The following KY variants were observed in gnomAD, a reference collection of about 807,000 sequenced individuals.
The protein encoded by KY is kyphoscoliosis peptidase.
In KY, 43 loss-of-function variants were observed where a neutral mutation model predicts 76.1. The observed-to-expected ratio is 0.57, with a 90% CI of 0.44 to 0.73. The LOEUF (loss-of-function observed/expected upper bound fraction) is 0.73, where lower values mean the gene tolerates loss of function less well. Among genes scored for constraint, KY ranks in the 30% least tolerant of loss-of-function variants. The probability of loss-of-function intolerance (pLI) is 0.00; values close to 1 mark genes in which losing one functional copy is unlikely to be tolerated. For missense variants in KY, 722 were observed against 828.9 expected, an observed-to-expected ratio of 0.87 and a Z score of 1.58; for synonymous variants, 277 against 326.2, an observed-to-expected ratio of 0.85 and a Z score of 1.63.
Position 134,627,800 on chromosome 3 carries a change from T to C in KY, c.356A>G (p.Asn119Ser). 1 of 1,613,520 alleles carries C rather than the reference T, an allele frequency of 6.2e-7. No homozygotes were observed. Among genetic ancestry groups the C allele is most frequent in the Non-Finnish European group, 8.5e-7 (1 of 1,179,434 alleles). The change falls in exon 5 of 11, where the codon AAT becomes AGT. Residue 119 changes from asparagine (N) to serine (S), a missense_variant. This residue lies in a region of KY where 170 missense variants were observed against 148.1 expected (regional missense o/e 1.15). Coordinates refer to ENST00000423778, the MANE Select transcript of KY (RefSeq NM_178554.6). ...AGGTTGCCGGGGTCTTGTGTTTCCA[T>C]TTTTATCACCTTGTAAACCTACAAT... ...SLAKRLQGDK[N>S]GNTRPRQPGG...
chr3:134,608,393 C>T, intron 10 of KY: 4 of 1,442,272 alleles, frequency 2.8e-6, no homozygotes, highest in Non-Finnish European at 3.7e-6. Context: ...CAGACACATC[C>T]CTTTCTGGGT....
intron 10 of KY, chr3:134,608,310 G>T: frequency 8.1e-7 from 1 of 1,239,224 alleles, no homozygotes; most frequent in Non-Finnish European, 1.0e-6. Context: ...CAGCTAGGAA[G>T]TGCCCAGCCC....
At chr3:134,608,217 G>A in intron 10 of KY, 1 of 1,186,732 alleles carries the variant, frequency 8.4e-7, no homozygotes, top group Non-Finnish European at 1.1e-6. Context: ...AGTAGCTTCT[G>A]TTGGGGACCT....
chr3:134,625,330 TG>T (rs1389461835), intron 5 of KY, among the ~76,000 whole-genome samples, 195 bp from the exon 6 acceptor site: 1 of 152,250 alleles, frequency 6.6e-6, no homozygotes, highest in Admixed American at 6.5e-5. Flanking sequence ...TTGGGAACCA[TG>T]GCAACTCCCA....
intron 3 of KY, among the ~76,000 whole-genome samples, chr3:134,637,330 T>C (rs537982437): frequency 6.6e-6 from 1 of 152,346 alleles, no homozygotes; most frequent in Admixed American, 6.5e-5. Flanking sequence ...GTTCTTTTCC[T>C]TTTCACTTTC....
chr3:134,631,319 G>A (rs1301190591), intron 3 of KY, among the ~76,000 whole-genome samples: 3 of 152,154 alleles, frequency 2.0e-5, no homozygotes, highest in Admixed American at 6.5e-5. Context: ...ATGGAAAGTA[G>A]CCAGTGAAAA....
chr3:134,642,415 A>G (rs1029211269), intron 3 of KY, among the ~76,000 whole-genome samples: 2 of 152,230 alleles, frequency 1.3e-5, no homozygotes, highest in Admixed American at 1.3e-4. Context: ...ACCAGGGCCC[A>G]GTATTTAATG....
Position 134,629,606 on chromosome 3 carries a change from C to T in KY, c.337+15G>A. On this transcript the variant is annotated intron_variant, in intron 4 of 10. Coordinates refer to ENST00000423778, the MANE Select transcript of KY (RefSeq NM_178554.6). The stretch of plus-strand genomic sequence containing the variant: ...TCTGCCAGCCCTCCACCATGAGTAC[C>T]TGTGTCATACATACGTTTAGCCAAG... The T allele has an allele frequency of 6.3e-7, 1 of 1,585,950 alleles. No individual in the cohort carries two copies. The highest frequency in any genetic ancestry group is 8.6e-7 in the Non-Finnish European group (1 of 1,164,886).
At chr3:134,650,693 A>T in intron 1 of KY, 132 bp downstream of exon 1, 2 of 811,690 alleles carry the variant, frequency 2.5e-6, no homozygotes, top group Non-Finnish European at 3.7e-6. Context: ...AAGCGACGGC[A>T]GCCATGGGGG....
rs756210184 is a variant in KY, at chr3:134,643,323, G to A, written c.255C>T (p.Asn85=). Residue 85 remains asparagine (N), a synonymous_variant, in exon 3 of 11, where the codon AAC becomes AAT. Transcript: ENST00000423778. ...TAGCGGCGAATCACTTACCTTGGCT[G>A]TTGTAGGAAGTGATGACCTGGGGCT... ...PQQPQVITSY[N]SQGTQLTVEV... is the part of the protein sequence containing the mutation. 6.2e-7 allele frequency: 1 copy of A among 1,613,912 alleles called. No individual in the cohort carries two copies. Among genetic ancestry groups the A allele is most frequent in the Non-Finnish European group, 8.5e-7 (1 of 1,179,864 alleles).
At chr3:134,632,757 A>G (rs1964400580) in intron 3 of KY, among the ~76,000 whole-genome samples, 1 of 151,894 alleles carries the variant, frequency 6.6e-6, no homozygotes, top group South Asian at 2.1e-4. Context: ...AAAATAAGAG[A>G]ATAAATCACT....
chr3:134,624,337 T>A (rs1005709399), intron 6 of KY, among the ~76,000 whole-genome samples: 1 of 152,240 alleles, frequency 6.6e-6, no homozygotes, highest in Non-Finnish European at 1.5e-5. Context: ...ATGTCTTTGC[T>A]TCTCATCTGG....
intron 7 of KY, 50 bp downstream of exon 7, chr3:134,620,699 G>A (rs766436954): frequency 1.5e-6 from 2 of 1,322,632 alleles, no homozygotes; most frequent in Non-Finnish European, 2.2e-6. Flanking sequence ...AGGCCTGCAG[G>A]GAATGGAAGC....
In KY at chr3:134,603,753, A is replaced by G; in HGVS notation, c.1812T>C (p.Ile604=). 4 of 1,612,242 alleles carry G rather than the reference A, an allele frequency of 2.5e-6. No homozygotes were observed. Among genetic ancestry groups the G allele is most frequent in the Non-Finnish European group, 3.4e-6 (4 of 1,178,618 alleles). Residue 604 remains isoleucine (I), a synonymous_variant, in exon 11 of 11, where the codon ATT becomes ATC. Transcript: ENST00000423778. Reference sequence around the variant, plus strand: ...CCTGCCCCTTCACCAGGACTTTGGCAATACCATGCAGCTTCAATTTGAATG... The same window carrying G: ...CCTGCCCCTTCACCAGGACTTTGGCGATACCATGCAGCTTCAATTTGAATG... The part of the protein sequence containing the change: ...NVPFKLKLHG[I]AKVLVKGQDT...
intron 3 of KY, among the ~76,000 whole-genome samples, chr3:134,638,907 GGT>G (rs3060233): frequency 0.61 from 92,642 of 151,720 alleles, 28,877 homozygotes; most frequent in East Asian, 0.85. Context: ...AAGACTGTCA[GGT>G]GTGTGTGTGT....
intron 6 of KY, among the ~76,000 whole-genome samples, chr3:134,621,724 G>A (rs577681380): frequency 3.9e-5 from 6 of 152,240 alleles, no homozygotes; most frequent in Admixed American, 1.3e-4. Context: ...AAGGGCATTC[G>A]TGAAAATAAA....
At chr3:134,606,587 C>A (rs986404359) in intron 10 of KY, among the ~76,000 whole-genome samples, 1 of 152,152 alleles carries the variant, frequency 6.6e-6, no homozygotes, top group African/African-American at 2.4e-5. Flanking sequence ...TGCTGTAATT[C>A]ATCATGTGAT....
At chr3:134,636,020 A>C (rs953337044) in intron 3 of KY, among the ~76,000 whole-genome samples, 2 of 152,208 alleles carry the variant, frequency 1.3e-5, no homozygotes, top group Non-Finnish European at 2.9e-5. Context: ...CCATATAAGC[A>C]ATCCCTTTTT....
At chr3:134,640,335 G>T (rs887096879) in intron 3 of KY, among the ~76,000 whole-genome samples, 1 of 152,254 alleles carries the variant, frequency 6.6e-6, no homozygotes, top group East Asian at 1.9e-4. Flanking sequence ...CACAGACATG[G>T]GTTCAACTTC....
Sources: allele counts gnomAD v4.1 joint callset (sites outside exome capture counted in the v4.1 genomes callset), GRCh38; gene constraint gnomAD v4.1.1; regional missense constraint gnomAD v4.1.1; transcripts MANE v1.5; gene names NCBI Gene and HGNC (gene_info 2026-07-23, HGNC 2026-07-21).